The following CLEC9A variants were observed in gnomAD, a reference collection of about 807,000 sequenced individuals.
The protein encoded by CLEC9A is C-type lectin domain containing 9A.
A neutral mutation model predicts 30.0 loss-of-function variants in CLEC9A; 24 were observed. The ratio of observed to expected loss-of-function variants is 0.80; its 90% CI spans 0.58 to 1.13. The LOEUF (loss-of-function observed/expected upper bound fraction) is 1.13, where lower values mean the gene tolerates loss of function less well. CLEC9A is among the 50% of genes most tolerant of loss of function. The probability of loss-of-function intolerance (pLI) is 0.00; values close to 1 mark genes in which losing one functional copy is unlikely to be tolerated. For missense variants in CLEC9A, 251 were observed against 280.9 expected (o/e 0.89, Z 0.76); for synonymous variants, 111 against 96.8 (o/e 1.15, Z -0.86).
intron 2 of CLEC9A, among the ~76,000 whole-genome samples, chr12:10,048,590 T>C (rs1376647946): frequency 6.6e-6 from 1 of 152,206 alleles, no homozygotes; most frequent in Non-Finnish European, 1.5e-5. Context: ...GTTCACAGCG[T>C]GTTCACCAGG....
At chr12:10,046,726 C>T (rs1433767480) in intron 2 of CLEC9A, among the ~76,000 whole-genome samples, 1 of 152,108 alleles carries the variant, frequency 6.6e-6, no homozygotes, top group Non-Finnish European at 1.5e-5. Flanking sequence ...CAAATGCTGA[C>T]GTTAGTGGGA....
rs1565592199 is a variant in CLEC9A, at chr12:10,054,274, C to CCTATTCCT, written c.95_96insCTATTCCT (p.Cys33TyrfsTer7). On this transcript the variant is annotated frameshift_variant, in exon 5 of 9. Transcript: ENST00000355819. LOFTEE classifies it high-confidence loss of function. Reference sequence around the variant, plus strand: ...ATTTTTCCTATTCTGTGGTTAGGAGCATGCTGTCTTGTGATGGTGATTTCA... The same window carrying CCTATTCCT: ...ATTTTTCCTATTCTGTGGTTAGGAGCCTATTCCTATGCTGTCTTGTGATGGTGATTTCA... 6.2e-7 allele frequency: 1 copy of CCTATTCCT among 1,611,592 alleles called. No individual in the cohort carries two copies. The highest frequency in any genetic ancestry group is 1.1e-5 in the South Asian group (1 of 90,782).
In CLEC9A at chr12:10,063,113, T is replaced by C. The variant is rs779204664; in HGVS notation, c.378T>C (p.Tyr126=). The C allele has an allele frequency of 5.6e-6, 9 of 1,612,632 alleles. No individual in the cohort carries two copies. In the East Asian group the frequency reaches 1.1e-4, roughly 20 times the overall value. ...NWIQNRESCY[Y]VSEIWSIWHT... ...TTCAGAACAGAGAAAGTTGTTACTA[T>C]GTCTCTGAAATTTGGAGCATTTGGC... is the stretch of plus-strand genomic sequence containing the variant. Residue 126 remains tyrosine (Y), a synonymous_variant, in exon 7 of 9, where the codon TAT becomes TAC. Coordinates refer to ENST00000355819, the MANE Select transcript of CLEC9A (RefSeq NM_207345.4).
chr12:10,036,324 G>C (rs1182170971), intron 1 of CLEC9A, among the ~76,000 whole-genome samples: 2 of 152,176 alleles, frequency 1.3e-5, no homozygotes, highest in Non-Finnish European at 2.9e-5. Context: ...TTCTATGACA[G>C]GAAATCTTAC....
chr12:10,040,198 G>A (rs1865779995), intron 1 of CLEC9A, among the ~76,000 whole-genome samples: 1 of 152,166 alleles, frequency 6.6e-6, no homozygotes, highest in South Asian at 2.1e-4. Context: ...CATCACACAA[G>A]GAACAGAAAA....
intron 1 of CLEC9A, among the ~76,000 whole-genome samples, chr12:10,037,904 C>T (rs1381338644): frequency 1.3e-5 from 2 of 151,848 alleles, no homozygotes; most frequent in South Asian, 2.1e-4. Flanking sequence ...GGGACAAGAA[C>T]GTGGGCTGGT....
chr12:10,046,034 G>A (rs899056156), intron 2 of CLEC9A, among the ~76,000 whole-genome samples: 4 of 152,148 alleles, frequency 2.6e-5, no homozygotes, highest in African/African-American at 7.2e-5. Context: ...ATAGCGTGAC[G>A]TAACAAAAAG....
intron 2 of CLEC9A, among the ~76,000 whole-genome samples, chr12:10,049,934 G>A (rs1452439164): frequency 6.6e-6 from 1 of 152,130 alleles, no homozygotes; most frequent in African/African-American, 2.4e-5. Flanking sequence ...CTGTTGACAT[G>A]TCTTCCTCAC....
intron 5 of CLEC9A, among the ~76,000 whole-genome samples, chr12:10,056,254 A>C (rs1238167231): frequency 6.6e-6 from 1 of 152,032 alleles, no homozygotes; most frequent in Non-Finnish European, 1.5e-5. Context: ...TACTTTTGGA[A>C]ATTGTACCTA....
intron 5 of CLEC9A, among the ~76,000 whole-genome samples, chr12:10,060,272 A>G (rs534296500): frequency 6.6e-6 from 1 of 152,354 alleles, no homozygotes; most frequent in East Asian, 1.9e-4. Context: ...TAGTAGCTCT[A>G]TTTGTAATGA....
chr12:10,048,841 T>C (rs1865869839), intron 2 of CLEC9A, among the ~76,000 whole-genome samples: 1 of 152,252 alleles, frequency 6.6e-6, no homozygotes, highest in African/African-American at 2.4e-5. Context: ...TTAATGTTGA[T>C]ACTTTGACTC....
At chr12:10,041,730 C>T (rs528232355) in intron 2 of CLEC9A, 110 bp downstream of exon 2, 80 of 464,016 alleles carry the variant, frequency 1.7e-4, no homozygotes, top group Non-Finnish European at 3.3e-4. Flanking sequence ...TCAGTTTGTA[C>T]TAATCTAAGA....
intron 5 of CLEC9A, 30 bp downstream of exon 5, chr12:10,054,381 G>C: frequency 7.1e-7 from 1 of 1,412,298 alleles, no homozygotes; most frequent in Non-Finnish European, 1.0e-6. Flanking sequence ...TTCAAAATAT[G>C]TATATCGTTA....
chr12:10,032,517 A>G (rs1361176742), intron 1 of CLEC9A, among the ~76,000 whole-genome samples: 1 of 150,630 alleles, frequency 6.6e-6, no homozygotes, highest in Non-Finnish European at 1.5e-5. Context: ...CAGCCTCTCG[A>G]GTAGCTGGGA....
At chr12:10,059,014 T>C (rs567802728) in intron 5 of CLEC9A, among the ~76,000 whole-genome samples, 1 of 152,326 alleles carries the variant, frequency 6.6e-6, no homozygotes, top group South Asian at 2.1e-4. Flanking sequence ...CATAGGTGTT[T>C]TTATTTGTTT....
chr12:10,058,083 ATT>A (rs1044417195), intron 5 of CLEC9A, among the ~76,000 whole-genome samples: 1 of 152,056 alleles, frequency 6.6e-6, no homozygotes, highest in African/African-American at 2.4e-5. Flanking sequence ...AAGGTGCTAT[ATT>A]TTGCTTCCCA....
At chr12:10,054,837 C>T (rs966486557) in intron 5 of CLEC9A, among the ~76,000 whole-genome samples, 3 of 152,124 alleles carry the variant, frequency 2.0e-5, no homozygotes, top group African/African-American at 7.2e-5. Flanking sequence ...TTATGTTTGG[C>T]AAGTGAAATT....
chr12:10,039,147 T>C (rs10845026), intron 1 of CLEC9A, among the ~76,000 whole-genome samples: 74,752 of 149,860 alleles, frequency 0.5, 22,133 homozygotes, highest in Middle Eastern at 0.71. Context: ...CTCCTGGTGG[T>C]GTGTGATGGC....
intron 5 of CLEC9A, among the ~76,000 whole-genome samples, chr12:10,059,461 C>A (rs1488819): frequency 0.97 from 148,154 of 152,350 alleles, 72,177 homozygotes; most frequent in East Asian, 1. Context: ...ATAAAACTGT[C>A]AAACTTTCAG....
Sources: allele counts gnomAD v4.1 joint callset (sites outside exome capture counted in the v4.1 genomes callset), GRCh38; gene constraint gnomAD v4.1.1; transcripts MANE v1.5; gene names NCBI Gene and HGNC (gene_info 2026-07-23, HGNC 2026-07-21).